ANO2: variants seen among roughly 807,000 people sequenced by gnomAD.
ANO2 encodes the protein anoctamin-2.
A neutral mutation model predicts 124.2 loss-of-function variants in ANO2; 101 were observed. The observed-to-expected ratio is 0.81, with a 90% CI of 0.69 to 0.96. The LOEUF is 0.96. Ranked by LOEUF, ANO2 falls within the 40% of genes least tolerant of loss-of-function variation. ANO2 has a pLI of 0.00. For synonymous variants in ANO2, 486 were observed against 482.5 expected, an observed-to-expected ratio of 1.01 and a Z score of -0.09; for missense variants, 1,293 against 1,274.5, an observed-to-expected ratio of 1.01 and a Z score of -0.22.
At chr12:5,567,364 T>C (rs1231751327) in intron 23 of ANO2, among the ~76,000 whole-genome samples, 1 of 152,126 alleles carries the variant, frequency 6.6e-6, no homozygotes, top group Admixed American at 6.6e-5. Context: ...AAGAACATCT[T>C]GGGGTGGGAA....
chr12:5,914,360 T>C (rs1565774875), intron 3 of ANO2, among the ~76,000 whole-genome samples: 1 of 152,216 alleles, frequency 6.6e-6, no homozygotes, highest in Non-Finnish European at 1.5e-5. Context: ...ATCCAGGCTC[T>C]GCCAGACCTA....
intron 14 of ANO2, among the ~76,000 whole-genome samples, chr12:5,660,236 T>C (rs908175429): frequency 1.3e-5 from 2 of 151,956 alleles, no homozygotes; most frequent in East Asian, 1.9e-4. Flanking sequence ...ATCCTTGATA[T>C]ACAGCCTTTT....
intron 14 of ANO2, among the ~76,000 whole-genome samples, chr12:5,729,172 C>A (rs1458606749): frequency 6.6e-6 from 1 of 152,058 alleles, no homozygotes; most frequent in Non-Finnish European, 1.5e-5. Context: ...AAAAGACAAT[C>A]TACAGAATTA....
intron 14 of ANO2, among the ~76,000 whole-genome samples, chr12:5,649,811 TG>T (rs1946828282): frequency 6.6e-6 from 1 of 151,974 alleles, no homozygotes; most frequent in African/African-American, 2.4e-5. Context: ...TGTGTGTGTG[TG>T]TGTGTATTTT....
chr12:5,780,865 A>G (rs1952371468), intron 10 of ANO2, among the ~76,000 whole-genome samples: 1 of 152,232 alleles, frequency 6.6e-6, no homozygotes, highest in Non-Finnish European at 1.5e-5. Flanking sequence ...TTGGAAGGGA[A>G]AAAAGGAAAC....
intron 3 of ANO2, among the ~76,000 whole-genome samples, chr12:5,859,562 G>T (rs761494296): frequency 4.6e-5 from 7 of 151,672 alleles, no homozygotes; most frequent in Non-Finnish European, 7.4e-5. Context: ...CCAAGATGGG[G>T]TCTTGCTTTG....
intron 14 of ANO2, among the ~76,000 whole-genome samples, chr12:5,714,351 GGAGACT>G (rs1949935163): frequency 1.3e-5 from 2 of 152,166 alleles, no homozygotes; most frequent in Non-Finnish European, 1.5e-5. Flanking sequence ...GAGAAAGCAG[GGAGACT>G]GGCCCCAGCA....
At chr12:5,825,819 A>G (rs1388693043) in intron 7 of ANO2, among the ~76,000 whole-genome samples, 1 of 152,238 alleles carries the variant, frequency 6.6e-6, no homozygotes, top group Non-Finnish European at 1.5e-5. Flanking sequence ...AGCCCAATCC[A>G]GGCAGGAATA....
chr12:5,657,504 T>G (rs1218291283), intron 14 of ANO2, among the ~76,000 whole-genome samples: 1 of 150,984 alleles, frequency 6.6e-6, no homozygotes, highest in Non-Finnish European at 1.5e-5. Flanking sequence ...TTTTTTTTTT[T>G]GTTATGCTTT....
chr12:5,671,892 C>CTCAAGGA (rs1948026077), intron 14 of ANO2, among the ~76,000 whole-genome samples: 1 of 152,184 alleles, frequency 6.6e-6, no homozygotes, highest in Non-Finnish European at 1.5e-5. Flanking sequence ...GCTCTTGCAG[C>CTCAAGGA]AACACATTGC....
intron 10 of ANO2, among the ~76,000 whole-genome samples, chr12:5,759,152 C>CA (rs34935879): frequency 0.37 from 51,111 of 136,618 alleles, 10,751 homozygotes; most frequent in East Asian, 0.58. Context: ...CCAAAAGTTA[C>CA]AAAAAAAAAA....
intron 23 of ANO2, among the ~76,000 whole-genome samples, chr12:5,565,988 T>G (rs1941725168): frequency 1.3e-5 from 2 of 152,196 alleles, no homozygotes; most frequent in South Asian, 4.1e-4. Flanking sequence ...TCCAGGCCAG[T>G]GGGTCCACCT....
rs556265817 is a variant in ANO2, at chr12:5,645,427, A to ATG, written c.1620+2298_1620+2299dup. 8.7e-3 allele frequency among the ~76,000 whole-genome samples: 1,276 copies of ATG among 146,216 alleles called. 8 individuals carry two copies. The highest frequency in any genetic ancestry group is 0.027 in the African/African-American group (999 of 37,440). On this transcript the variant is annotated intron_variant, in intron 15 of 24. Transcript: ENST00000682330. Reference sequence around the variant, plus strand: ...TCTATCCATGGTCGTGTGTGTGTGAATGTGTGTGTGTGTGTGTGTACACAT... The same window carrying ATG: ...TCTATCCATGGTCGTGTGTGTGTGAATGTGTGTGTGTGTGTGTGTGTACACAT...
At chr12:5,939,747 A>G (rs554087529) in intron 1 of ANO2, among the ~76,000 whole-genome samples, 14 of 152,244 alleles carry the variant, frequency 9.2e-5, no homozygotes, top group Non-Finnish European at 1.8e-4. Context: ...GGCCAGGGCC[A>G]GAAGTAGCAC....
chr12:5,833,591 GT>G (rs1436210504), intron 4 of ANO2, among the ~76,000 whole-genome samples: 1 of 152,210 alleles, frequency 6.6e-6, no homozygotes, highest in Admixed American at 6.5e-5. Flanking sequence ...TCCATGGCCT[GT>G]TAGGAACTGG....
intron 16 of ANO2, among the ~76,000 whole-genome samples, chr12:5,627,512 T>C (rs1352104476): frequency 1.3e-5 from 2 of 152,192 alleles, no homozygotes; most frequent in Non-Finnish European, 2.9e-5. Flanking sequence ...CTGATCAGGC[T>C]CCGCTGCAGA....
chr12:5,942,592 T>C (rs886779034), intron 1 of ANO2, among the ~76,000 whole-genome samples: 1 of 152,172 alleles, frequency 6.6e-6, no homozygotes, highest in African/African-American at 2.4e-5. Context: ...CCTCTCTCCC[T>C]CTTGATCCCT....
intron 10 of ANO2, among the ~76,000 whole-genome samples, chr12:5,761,431 G>T (rs184913976): frequency 2.4e-3 from 362 of 152,198 alleles, no homozygotes; most frequent in Non-Finnish European, 4.2e-3. Context: ...ACAGATATGG[G>T]TAAAAAAAAA....
intron 8 of ANO2, among the ~76,000 whole-genome samples, 198 bp from the exon 9 acceptor site, chr12:5,806,291 T>C (rs1297991549): frequency 6.6e-6 from 1 of 152,214 alleles, no homozygotes; most frequent in South Asian, 2.1e-4. Context: ...TTTCCTGGGA[T>C]AACTTCTCAC....
Sources: gnomAD v4.1 joint callset for allele counts (sites outside exome capture counted in the v4.1 genomes callset) on GRCh38, gnomAD v4.1.1 for gene constraint, MANE v1.5 for transcripts, NCBI Gene and HGNC (gene_info 2026-07-23, HGNC 2026-07-21) for gene names.